The following TSHZ3 variants were observed in gnomAD, a reference collection of about 807,000 sequenced individuals.
TSHZ3 encodes teashirt zinc finger homeobox 3, also known as teashirt homolog 3.
TSHZ3 carries 10 observed loss-of-function variants against 64.5 expected under a neutral mutation model. The ratio of observed to expected loss-of-function variants is 0.16; its 90% CI spans 0.10 to 0.26. TSHZ3 has a LOEUF of 0.26. Among genes scored for constraint, TSHZ3 ranks in the 10% least tolerant of loss-of-function variants. TSHZ3 has a pLI of 1.00. For synonymous variants in TSHZ3, 608 were observed against 593.1 expected (o/e 1.03, Z -0.36); for missense variants, 1,242 against 1,421.7 (o/e 0.87, Z 2.03).
chr19:31,152,375 G>T (rs551985013), intron 6 of TSHZ3, among the ~76,000 whole-genome samples: 1 of 151,918 alleles, frequency 6.6e-6, no homozygotes, highest in South Asian at 2.1e-4. Flanking sequence ...TTTCCTTTTC[G>T]CTGACTATTC....
At position 31,256,594 on chromosome 19, in the gene TSHZ3, ATCATATATGCCT is replaced by A. The variant is rs550942768; in HGVS notation, n.64-13731_64-13720del. ...GTACAGAGTATGTTCATTCTTTTTTATCATATATGCCTTCATTTTCCATTCATTCATTATTTC... is the reference window on the plus strand; with the variant it reads ...GTACAGAGTATGTTCATTCTTTTTTATCATTTTCCATTCATTCATTATTTC... On this transcript the variant is annotated intron_variant and non_coding_transcript_variant, in intron 1 of 6. Coordinates refer to the TSHZ3 transcript ENST00000651361. 1.5e-4 allele frequency among the ~76,000 whole-genome samples: 23 copies of A among 152,272 alleles called. 1 individual carries two copies. The East Asian group carries it at 4.4e-3, about 29-fold the overall frequency.
Position 31,153,179 on chromosome 19 carries a change from C to A in TSHZ3, n.872-1435G>T, listed in dbSNP as rs960546276. Among the ~76,000 whole-genome samples, 20 of 152,072 alleles carry A rather than the reference C, an allele frequency of 1.3e-4. 1 individual carries two copies. The highest frequency in any genetic ancestry group is 9.7e-4 in the East Asian group (5 of 5,176). On this transcript the variant is annotated intron_variant and non_coding_transcript_variant, in intron 6 of 6. Transcript: ENST00000651361. ...TGGGTGTTGCATAAAGTTGATGATA[C>A]CGTGTGACATAAGATACTGATGTAT...
intron 5 of TSHZ3, among the ~76,000 whole-genome samples, chr19:31,201,047 G>T (rs974244061): frequency 1.3e-5 from 2 of 152,108 alleles, no homozygotes; most frequent in Non-Finnish European, 2.9e-5. Flanking sequence ...AGAAAATCTC[G>T]AAAGGATCCC....
intron 1 of TSHZ3, among the ~76,000 whole-genome samples, chr19:31,289,335 C>T (rs373521052): frequency 4.6e-5 from 7 of 152,158 alleles, no homozygotes; most frequent in Admixed American, 6.5e-5. Flanking sequence ...AGAGCTCCCA[C>T]TGGGGCTTGG....
chr19:31,232,555 A>C (rs1412063212), intron 3 of TSHZ3, among the ~76,000 whole-genome samples: 1 of 152,214 alleles, frequency 6.6e-6, no homozygotes, highest in African/African-American at 2.4e-5. Context: ...AACATTGTGC[A>C]GGTTTAGTTT....
chr19:31,181,313 G>A (rs1047175845), intron 5 of TSHZ3, among the ~76,000 whole-genome samples: 18 of 152,160 alleles, frequency 1.2e-4, no homozygotes, highest in African/African-American at 4.1e-4. Context: ...GAAGCAGATT[G>A]GCAGGGACCT....
intron 5 of TSHZ3, among the ~76,000 whole-genome samples, chr19:31,194,696 C>T (rs2145142727): frequency 6.6e-6 from 1 of 152,266 alleles, no homozygotes; most frequent in Non-Finnish European, 1.5e-5. Flanking sequence ...ACAAGGCATA[C>T]TAAAAAGCAA....
At chr19:31,185,801 C>T (rs530091841) in intron 5 of TSHZ3, among the ~76,000 whole-genome samples, 1 of 152,322 alleles carries the variant, frequency 6.6e-6, no homozygotes, top group East Asian at 1.9e-4. Flanking sequence ...CCAGGAAGTT[C>T]CATCATTATC....
chr19:31,194,093 G>A (rs567046241), intron 5 of TSHZ3, among the ~76,000 whole-genome samples: 2 of 152,206 alleles, frequency 1.3e-5, no homozygotes, highest in South Asian at 2.1e-4. Context: ...AGAAATTCAT[G>A]AGCAGAACTT....
intron 1 of TSHZ3, among the ~76,000 whole-genome samples, chr19:31,261,270 T>A (rs1975980360): frequency 1.3e-5 from 2 of 152,172 alleles, no homozygotes; most frequent in African/African-American, 4.8e-5. Flanking sequence ...CAAAGGAGCA[T>A]CTTCAGAACT....
intron 1 of TSHZ3, among the ~76,000 whole-genome samples, chr19:31,299,464 C>T (rs564962186): frequency 6.6e-6 from 1 of 152,136 alleles, no homozygotes; most frequent in African/African-American, 2.4e-5. Flanking sequence ...TTGTGGGATG[C>T]GGGTGTTTTT....
At chr19:31,255,250 C>T (rs994891364) in intron 1 of TSHZ3, among the ~76,000 whole-genome samples, 5 of 152,086 alleles carry the variant, frequency 3.3e-5, no homozygotes, top group African/African-American at 4.8e-5. Flanking sequence ...AAATAGCACA[C>T]ATCTAGGGGC....
intron 5 of TSHZ3, chr19:31,204,773 C>T (rs770560715): frequency 3.3e-5 from 5 of 152,220 alleles, no homozygotes; most frequent in East Asian, 3.9e-4. Context: ...CACACATTGC[C>T]TGGTGCCCTG....
rs543024113 is a variant in TSHZ3, at chr19:31,211,820, C to T, written n.687-6742G>A. Among the ~76,000 whole-genome samples, 11 of 152,142 alleles carry T rather than the reference C, an allele frequency of 7.2e-5. No homozygotes were observed. In the South Asian group the frequency reaches 1.5e-3, roughly 20 times the overall value. On this transcript the variant is annotated intron_variant and non_coding_transcript_variant, in intron 4 of 6. Coordinates refer to the TSHZ3 transcript ENST00000651361. ...GTGACAAAGCAGGAGCTGCAGGACC[C>T]TGAGCACTGGAAGACAACAAGGCCA... is the stretch of plus-strand genomic sequence containing the variant.
intron 4 of TSHZ3, among the ~76,000 whole-genome samples, chr19:31,223,726 A>G (rs41531946): frequency 0.04 from 6,019 of 152,198 alleles, 394 homozygotes; most frequent in African/African-American, 0.14. Context: ...AGAATTTTTC[A>G]TGGAAGATAA....
intron 1 of TSHZ3, among the ~76,000 whole-genome samples, chr19:31,251,600 C>T (rs1260983092): frequency 2.6e-5 from 4 of 152,172 alleles, no homozygotes; most frequent in East Asian, 1.9e-4. Flanking sequence ...TCTAGCCCCA[C>T]CCTCTCCCCA....
At chr19:31,231,752 C>T (rs1336537418) in intron 3 of TSHZ3, among the ~76,000 whole-genome samples, 2 of 152,058 alleles carry the variant, frequency 1.3e-5, no homozygotes, top group East Asian at 1.9e-4. Context: ...TAACTCCAAC[C>T]GGAGCTTACG....
intron 1 of TSHZ3, among the ~76,000 whole-genome samples, chr19:31,342,694 G>A (rs1917472621): frequency 6.6e-6 from 1 of 152,234 alleles, no homozygotes; most frequent in Non-Finnish European, 1.5e-5. Flanking sequence ...ATGAATTGGA[G>A]TCATTTCACG....
In TSHZ3 at chr19:31,275,182, G is replaced by A. The variant is rs1976206479; in HGVS notation, c.*1365C>T. 1 of 152,500 alleles carries A rather than the reference G, an allele frequency of 6.6e-6. No homozygotes were observed. The highest frequency in any genetic ancestry group is 1.5e-5 in the Non-Finnish European group (1 of 68,026). 9.4% of individuals were successfully genotyped at this position (152,500 alleles called of 1,614,324 possible). On this transcript the variant is annotated 3_prime_UTR_variant, in exon 2 of 2. Coordinates refer to ENST00000240587, the MANE Select transcript of TSHZ3 (RefSeq NM_020856.4). ...AATCACTTGGAGAGCCGGTAACCAC[G>A]GGTTACCTTTCATAAGCCTAAAGAT...
Sources: allele counts gnomAD v4.1 joint callset (sites outside exome capture counted in the v4.1 genomes callset), GRCh38; gene constraint gnomAD v4.1.1; transcripts MANE v1.5; gene names NCBI Gene and HGNC (gene_info 2026-07-23, HGNC 2026-07-21).